Variants in CNTNAP4 observed in about 807,000 individuals in gnomAD.
CNTNAP4 encodes contactin associated protein family member 4.
In CNTNAP4, 98 loss-of-function variants were observed where a neutral mutation model predicts 148.4. The observed-to-expected ratio is 0.66, with a 90% CI of 0.56 to 0.78. CNTNAP4 has a LOEUF of 0.78. CNTNAP4 is among the 30% of genes least tolerant of loss of function. The pLI, the probability that CNTNAP4 is intolerant of heterozygous loss-of-function variation, is 0.00. For synonymous variants in CNTNAP4, 730 were observed against 565.1 expected (o/e 1.29, Z -4.14); for missense variants, 1,935 against 1,565.6 (o/e 1.24, Z -3.98).
intron 8 of CNTNAP4, among the ~76,000 whole-genome samples, chr16:76,458,142 G>A (rs756370012): frequency 3.9e-5 from 6 of 151,932 alleles, no homozygotes; most frequent in Admixed American, 6.6e-5. Context: ...CTTTTTTATC[G>A]CTACATAATA....
chr16:76,514,051 A>G (rs2083134929), intron 15 of CNTNAP4, among the ~76,000 whole-genome samples: 1 of 152,156 alleles, frequency 6.6e-6, no homozygotes, highest in Admixed American at 6.6e-5. Flanking sequence ...GACCAGATTT[A>G]CCTTGAATTT....
At position 76,559,882 on chromosome 16, in the gene CNTNAP4, C is replaced by T. The variant is rs1189943916; in HGVS notation, c.*1199C>T. On this transcript the variant is annotated 3_prime_UTR_variant, in exon 24 of 24. Coordinates refer to ENST00000611870, the MANE Select transcript of CNTNAP4 (RefSeq NM_033401.5). ...ACACAATCAATAATTAAACAATGCA[C>T]ACTCTAAGGGGAGATAGCATATTAA... 6.6e-6 allele frequency among the ~76,000 whole-genome samples: 1 copy of T among 152,132 alleles called. No individual in the cohort carries two copies. The highest frequency in any genetic ancestry group is 1.5e-5 in the Non-Finnish European group (1 of 68,004).
chr16:76,423,274 A>G (rs1344971207), intron 3 of CNTNAP4, among the ~76,000 whole-genome samples: 1 of 152,166 alleles, frequency 6.6e-6, no homozygotes, highest in Non-Finnish European at 1.5e-5. Flanking sequence ...ATAAAAGAAT[A>G]GGATTTATAC....
rs113791695 is a variant in CNTNAP4, at chr16:76,515,762, A to G, written c.2366-5378A>G. Among the ~76,000 whole-genome samples, 47 of 152,216 alleles carry G rather than the reference A, an allele frequency of 3.1e-4. 1 individual carries two copies. Among genetic ancestry groups the G allele is most frequent in the Middle Eastern group, 3.4e-3 (1 of 294 alleles). On this transcript the variant is annotated intron_variant, in intron 15 of 23. Transcript: ENST00000611870. ...TAGGCAAATGCATATTACATCCTCA[A>G]TGAGGCACCACTTTACACCTCTCAA... is the stretch of plus-strand genomic sequence containing the variant.
intron 3 of CNTNAP4, among the ~76,000 whole-genome samples, chr16:76,393,692 A>G (rs189018758): frequency 6.6e-6 from 1 of 151,916 alleles, no homozygotes; most frequent in African/African-American, 2.4e-5. Context: ...TGGCAGAAAA[A>G]AAAAAAATTG....
chr16:76,395,832 G>GATCC (rs972949841), intron 3 of CNTNAP4, among the ~76,000 whole-genome samples: 6 of 151,156 alleles, frequency 4.0e-5, no homozygotes, highest in African/African-American at 1.5e-4. Context: ...GAGTTCAAGT[G>GATCC]ATCCTCCTGC....
chr16:76,375,088 G>T (rs981265244), intron 3 of CNTNAP4, among the ~76,000 whole-genome samples: 1 of 152,022 alleles, frequency 6.6e-6, no homozygotes, highest in African/African-American at 2.4e-5. Context: ...TTTTTTAAGA[G>T]AAATTTTCAC....
intron 3 of CNTNAP4, among the ~76,000 whole-genome samples, chr16:76,358,105 G>A (rs1430333547): frequency 1.3e-5 from 2 of 152,196 alleles, no homozygotes; most frequent in African/African-American, 4.8e-5. Flanking sequence ...AGGCCAAGGT[G>A]GAAGGATCAC....
Position 76,480,231 on chromosome 16 carries a change from C to T in CNTNAP4, c.1882+693C>T, listed in dbSNP as rs141640305. On this transcript the variant is annotated intron_variant, in intron 12 of 23. Coordinates refer to ENST00000611870, the MANE Select transcript of CNTNAP4 (RefSeq NM_033401.5). ...AGGTTATGTATTAAAATACTCTAAA[C>T]AATTTACAGATAAACTATTAGGATT... 6.1e-4 allele frequency among the ~76,000 whole-genome samples: 93 copies of T among 152,176 alleles called. 1 individual carries two copies. The East Asian group carries it at 0.017, about 28-fold the overall frequency.
In CNTNAP4 at chr16:76,319,723, T is replaced by C. The variant is rs564332576; in HGVS notation, c.196+3200T>C. On this transcript the variant is annotated intron_variant, in intron 2 of 23. Coordinates refer to ENST00000611870, the MANE Select transcript of CNTNAP4 (RefSeq NM_033401.5). Reference sequence around the variant, plus strand: ...ATGAAGATGGAAGCAGAGATTGGAGTGATACAGCTGCAAACCAAGAAATGC... The same window carrying C: ...ATGAAGATGGAAGCAGAGATTGGAGCGATACAGCTGCAAACCAAGAAATGC... 2.6e-5 allele frequency among the ~76,000 whole-genome samples: 4 copies of C among 151,838 alleles called. No individual in the cohort carries two copies. In the South Asian group the frequency reaches 8.4e-4, roughly 32 times the overall value.
At chr16:76,428,458 C>G (rs9930383) in intron 4 of CNTNAP4, among the ~76,000 whole-genome samples, 35,598 of 151,180 alleles carry the variant, frequency 0.24, 4,938 homozygotes, top group African/African-American at 0.38. Flanking sequence ...TTTTTAGCTA[C>G]TAAAGCTTTT....
intron 10 of CNTNAP4, among the ~76,000 whole-genome samples, chr16:76,475,706 G>A (rs974859948): frequency 6.6e-6 from 1 of 152,174 alleles, no homozygotes; most frequent in African/African-American, 2.4e-5. Flanking sequence ...CTCTGATGTA[G>A]TGGGACATGT....
At chr16:76,506,580 C>T (rs2082845957) in intron 15 of CNTNAP4, among the ~76,000 whole-genome samples, 1 of 83,850 alleles carries the variant, frequency 1.2e-5, no homozygotes, top group Admixed American at 1.2e-4. Context: ...AAGTGATTCT[C>T]CTGCCTCAGC....
At position 76,479,520 on chromosome 16, in the gene CNTNAP4, C is replaced by G. The variant is rs1437752135; in HGVS notation, c.1864C>G (p.Leu622Val). 4 of 1,609,162 alleles carry G rather than the reference C, an allele frequency of 2.5e-6. No homozygotes were observed. Among genetic ancestry groups the G allele is most frequent in the Non-Finnish European group, 3.4e-6 (4 of 1,178,336 alleles). ...DGSGPLEPFL[L>V]YCNMTETAWT... is the part of the protein sequence containing the mutation. ...AAGTGGTCCCCTGGAACCATTTCTT[C>G]TATATTGCAATATGACCGGTGAGTT... The change falls in exon 12 of 24, where the codon CTA becomes GTA. Residue 622 changes from leucine (L) to valine (V), a missense_variant. Coordinates refer to ENST00000611870, the MANE Select transcript of CNTNAP4 (RefSeq NM_033401.5).
At chr16:76,481,158 C>A (rs987587154) in intron 12 of CNTNAP4, among the ~76,000 whole-genome samples, 11 of 152,198 alleles carry the variant, frequency 7.2e-5, no homozygotes, top group African/African-American at 2.7e-4. Context: ...ATGGTCTTTT[C>A]AACCAGTAGT....
At chr16:76,461,825 T>G in intron 8 of CNTNAP4, 131 bp from the exon 9 acceptor site, 2 of 679,076 alleles carry the variant, frequency 2.9e-6, no homozygotes, top group South Asian at 5.3e-5. Context: ...TCCTTGTTGA[T>G]GTCATTGTTT....
chr16:76,558,748 A>G lies in CNTNAP4; in HGVS notation c.*65A>G, dbSNP rs1265793551. 8.3e-7 allele frequency: 1 copy of G among 1,208,440 alleles called. No homozygotes were observed. Among genetic ancestry groups the G allele is most frequent in the Admixed American group, 2.3e-5 (1 of 43,638 alleles). The allele number at this position is 1,208,440 out of a possible 1,614,324, so 74.9% of individuals were successfully genotyped here. Reference sequence around the variant, plus strand: ...TTTAATAGCCAGGGGTTCTCAATGGAAAAACGAATGCTCTTACACTGAATG... The same window carrying G: ...TTTAATAGCCAGGGGTTCTCAATGGGAAAACGAATGCTCTTACACTGAATG... On this transcript the variant is annotated 3_prime_UTR_variant, in exon 24 of 24. Transcript: ENST00000611870.
chr16:76,467,614 T>G, intron 10 of CNTNAP4, 91 bp downstream of exon 10: 1 of 1,034,798 alleles, frequency 9.7e-7, no homozygotes. Context: ...TTCTTTCCTC[T>G]TCCCCATTCT....
intron 15 of CNTNAP4, among the ~76,000 whole-genome samples, chr16:76,519,265 A>G (rs2083368294): frequency 6.6e-6 from 1 of 152,216 alleles, no homozygotes; most frequent in Non-Finnish European, 1.5e-5. Context: ...AGAGTGCTGA[A>G]TATGCCTAAA....
Sources: gnomAD v4.1 joint callset for allele counts (sites outside exome capture counted in the v4.1 genomes callset) on GRCh38, gnomAD v4.1.1 for gene constraint, MANE v1.5 for transcripts, NCBI Gene and HGNC (gene_info 2026-07-23, HGNC 2026-07-21) for gene names.